CEP83: variants seen among roughly 807,000 people sequenced by gnomAD.
CEP83 encodes the protein centrosomal protein of 83 kDa.
A neutral mutation model predicts 101.9 loss-of-function variants in CEP83; 70 were observed. That is an observed-to-expected ratio of 0.69 (90% confidence interval 0.57 to 0.84). The LOEUF is 0.84. CEP83 is among the 40% of genes least tolerant of loss of function. The pLI is 0.00. For synonymous variants in CEP83, 264 were observed against 267.9 expected, an observed-to-expected ratio of 0.99 and a Z score of 0.14; for missense variants, 715 against 787.2, an observed-to-expected ratio of 0.91 and a Z score of 1.10.
At chr12:94,371,407 G>T (rs1159328580) in intron 8 of CEP83, among the ~76,000 whole-genome samples, 2 of 152,176 alleles carry the variant, frequency 1.3e-5, no homozygotes, top group Non-Finnish European at 2.9e-5. Context: ...GTAGGGGATT[G>T]GGGGCAGGAA....
chr12:94,297,648 G>C, the CEP83 span, among the ~76,000 whole-genome samples: 18 of 152,100 alleles, frequency 1.2e-4, no homozygotes, highest in Non-Finnish European at 2.2e-4. Context: ...TTCAGTCAGG[G>C]ATTTAATATT....
At chr12:94,301,252 CAAAAT>C in the CEP83 span, among the ~76,000 whole-genome samples, 2 of 152,080 alleles carry the variant, frequency 1.3e-5, no homozygotes, top group Non-Finnish European at 2.9e-5. Context: ...AAGTGAAAAA[CAAAAT>C]AATTAGCCCC....
chr12:94,450,309 T>G (rs956516224), intron 1 of CEP83, among the ~76,000 whole-genome samples: 1 of 152,192 alleles, frequency 6.6e-6, no homozygotes, highest in Admixed American at 6.5e-5. Flanking sequence ...TGGAGTGCAG[T>G]GGCACAATCT....
chr12:94,378,686 G>T, intron 7 of CEP83, 105 bp downstream of exon 7: 1 of 1,213,080 alleles, frequency 8.2e-7, no homozygotes, highest in Non-Finnish European at 1.2e-6. Flanking sequence ...AAATGCATCA[G>T]CATTAGCTTG....
Position 94,374,923 on chromosome 12 carries a change from T to C in CEP83, c.933+963A>G, listed in dbSNP as rs571515675. Among the ~76,000 whole-genome samples, 3 of 151,872 alleles carry C rather than the reference T, an allele frequency of 2.0e-5. No homozygotes were observed. In the South Asian group the frequency reaches 6.2e-4, roughly 32 times the overall value. The stretch of plus-strand genomic sequence containing the variant: ...CAGAGAGACAGTGAACTGCCCAAGG[T>C]CACACAGCTTTTTTTAGTAATGAAA... On this transcript the variant is annotated intron_variant, in intron 8 of 16. Transcript: ENST00000397809.
chr12:94,419,772 T>C (rs1243663648), intron 2 of CEP83, among the ~76,000 whole-genome samples: 1 of 152,084 alleles, frequency 6.6e-6, no homozygotes, highest in African/African-American at 2.4e-5. Context: ...TAAAGGCCAC[T>C]GGGACAACTA....
chr12:94,284,658 G>A, the CEP83 span, among the ~76,000 whole-genome samples: 1 of 151,984 alleles, frequency 6.6e-6, no homozygotes, highest in Non-Finnish European at 1.5e-5. Flanking sequence ...TGGGAGGTCT[G>A]GTAACAGCTA....
At chr12:94,294,454 A>G in the CEP83 span, 2 of 969,956 alleles carry the variant, frequency 2.1e-6, no homozygotes, top group Non-Finnish European at 3.2e-6. Context: ...TTAAATTTTG[A>G]ACACTCATAT....
chr12:94,326,854 T>A (rs1236423532), intron 14 of CEP83, among the ~76,000 whole-genome samples: 4 of 152,186 alleles, frequency 2.6e-5, no homozygotes, highest in African/African-American at 9.6e-5. Flanking sequence ...TCCAGAGCCT[T>A]TTGAAGAAGG....
intron 11 of CEP83, among the ~76,000 whole-genome samples, chr12:94,351,700 C>A (rs530968624): frequency 6.6e-6 from 1 of 152,266 alleles, no homozygotes; most frequent in African/African-American, 2.4e-5. Context: ...ATTCCCATAA[C>A]TGGTGAAGCA....
intron 11 of CEP83, among the ~76,000 whole-genome samples, chr12:94,349,179 G>A (rs1004151074): frequency 1.3e-5 from 2 of 151,714 alleles, no homozygotes; most frequent in African/African-American, 2.4e-5. Flanking sequence ...CCAGCTACTC[G>A]GGAGGCTGAG....
intron 6 of CEP83, among the ~76,000 whole-genome samples, chr12:94,379,463 G>C (rs183439913): frequency 6.6e-6 from 1 of 152,216 alleles, no homozygotes; most frequent in Non-Finnish European, 1.5e-5. Flanking sequence ...ATCTATGTCA[G>C]GGCAACTTAA....
intron 14 of CEP83, among the ~76,000 whole-genome samples, chr12:94,331,357 C>CTT (rs1161292599): frequency 0.011 from 764 of 66,842 alleles, 119 homozygotes; most frequent in Non-Finnish European, 0.014. Flanking sequence ...ACCTTTTTTC[C>CTT]TTTTTTTTTT....
chr12:94,431,292 T>G (rs992290443), intron 2 of CEP83, among the ~76,000 whole-genome samples: 1 of 151,910 alleles, frequency 6.6e-6, no homozygotes, highest in African/African-American at 2.4e-5. Flanking sequence ...AAAAATCAAC[T>G]CAAGATGGAT....
intron 12 of CEP83, 133 bp from the exon 13 acceptor site, chr12:94,333,772 TA>T: frequency 1.4e-6 from 1 of 719,950 alleles, no homozygotes; most frequent in Non-Finnish European, 2.3e-6. Flanking sequence ...AGATGACCCC[TA>T]AAGGAAATAA....
chr12:94,385,434 C>T (rs553855122), intron 6 of CEP83, among the ~76,000 whole-genome samples: 4 of 152,228 alleles, frequency 2.6e-5, no homozygotes, highest in Non-Finnish European at 5.9e-5. Flanking sequence ...GATGTCCAAG[C>T]TCCTCATACT....
At chr12:94,274,199 A>G in the CEP83 span, among the ~76,000 whole-genome samples, 5,918 of 144,918 alleles carry the variant, frequency 0.041, 225 homozygotes, top group African/African-American at 0.086. Flanking sequence ...TTAGCCAAGC[A>G]TGGCAGTGTG....
At chr12:94,285,317 G>A in the CEP83 span, among the ~76,000 whole-genome samples, 13 of 152,204 alleles carry the variant, frequency 8.5e-5, no homozygotes, top group African/African-American at 2.9e-4. Context: ...GACTGTTCCC[G>A]AGCAGAGCTT....
At chr12:94,304,481 T>C (rs1333136228), downstream of CEP83, among the ~76,000 whole-genome samples, 2 of 152,238 alleles carry the variant, frequency 1.3e-5, no homozygotes, top group Admixed American at 1.3e-4. Context: ...CAATAAACCA[T>C]TCTCCTTTAT....
Sources: allele counts gnomAD v4.1 joint callset (sites outside exome capture counted in the v4.1 genomes callset), GRCh38; gene constraint gnomAD v4.1.1; transcripts MANE v1.5; gene names NCBI Gene and HGNC (gene_info 2026-07-23, HGNC 2026-07-21).